The following POF1B variants were observed in gnomAD, a reference collection of about 807,000 sequenced individuals.
POF1B encodes protein POF1B.
In POF1B, 53 loss-of-function variants were observed where a neutral mutation model predicts 55.3. The observed-to-expected ratio is 0.96, with a 90% CI of 0.77 to 1.20. POF1B has a LOEUF of 1.20. Ranked by LOEUF, POF1B falls within the 50% of genes most tolerant of loss-of-function variation. POF1B has a pLI of 0.00. For synonymous variants in POF1B, 188 were observed against 148.3 expected, an observed-to-expected ratio of 1.27 and a Z score of -1.95; for missense variants, 478 against 420.5, an observed-to-expected ratio of 1.14 and a Z score of -1.20.
At chrX:85,296,426 G>C (rs893903553) in intron 15 of POF1B, among the ~76,000 whole-genome samples, 1 of 111,968 alleles carries the variant, frequency 8.9e-6, no homozygotes, top group African/African-American at 3.2e-5. Flanking sequence ...CTCCTGTATA[G>C]CTGGTTTAGT....
At chrX:85,367,190 A>G (rs1195529126) in intron 3 of POF1B, among the ~76,000 whole-genome samples, 1 of 111,884 alleles carries the variant, frequency 8.9e-6, no homozygotes, top group Non-Finnish European at 1.9e-5. Flanking sequence ...GTTTATTATT[A>G]TAGCTACCTT....
intron 8 of POF1B, among the ~76,000 whole-genome samples, chrX:85,314,952 C>A (rs1369131837): frequency 9.0e-6 from 1 of 111,420 alleles, no homozygotes; most frequent in East Asian, 2.8e-4. Context: ...ACAGGTTTTA[C>A]TGAGAATTTA....
intron 7 of POF1B, among the ~76,000 whole-genome samples, chrX:85,327,345 T>C (rs1932908115): frequency 8.9e-6 from 1 of 111,815 alleles, no homozygotes; most frequent in African/African-American, 3.3e-5. Flanking sequence ...TAAAGTAAAA[T>C]AGTTGTAGTG....
chrX:85,354,982 A>C (rs754585237), intron 4 of POF1B, among the ~76,000 whole-genome samples: 2 of 111,770 alleles, frequency 1.8e-5, no homozygotes, highest in African/African-American at 6.5e-5. Flanking sequence ...GGAACCAAAA[A>C]AGAGCCCACA....
chrX:85,326,956 C>T (rs1192733474), intron 7 of POF1B, among the ~76,000 whole-genome samples: 1 of 110,612 alleles, frequency 9.0e-6, no homozygotes, highest in East Asian at 2.9e-4. Context: ...GTGTTCTGGC[C>T]TCTTCTCATG....
In POF1B at chrX:85,307,237, A is replaced by C; in HGVS notation, c.1090T>G (p.Ser364Ala). The C allele has an allele frequency of 8.3e-7, 1 of 1,203,824 alleles. No homozygotes were observed. The highest frequency in any genetic ancestry group is 1.8e-5 in the South Asian group (1 of 55,771). ...TCTTTTAATTGAGTGTCTTTGAATGATAAATCTTTCTCAAGTCTCATCTTG... is the reference window on the plus strand; with the variant it reads ...TCTTTTAATTGAGTGTCTTTGAATGCTAAATCTTTCTCAAGTCTCATCTTG... ...NDKMRLEKDL[S>A]FKDTQLKEYE... Residue 364 changes from serine to alanine, a missense_variant, in exon 11 of 17, where the codon TCA becomes GCA. Coordinates refer to ENST00000262753, the MANE Select transcript of POF1B (RefSeq NM_024921.4).
At chrX:85,335,409 A>G (rs1448793965) in intron 6 of POF1B, among the ~76,000 whole-genome samples, 1 of 111,440 alleles carries the variant, frequency 9.0e-6, no homozygotes, top group Non-Finnish European at 1.9e-5. Context: ...TTTTGCTTTG[A>G]TTTGGAACAT....
chrX:85,349,329 T>A (rs1168820070), intron 5 of POF1B, among the ~76,000 whole-genome samples: 1 of 111,201 alleles, frequency 9.0e-6, no homozygotes, highest in Admixed American at 9.6e-5. Context: ...AAGCTAGAAT[T>A]TTTTAGTCCG....
chrX:85,336,167 T>C (rs1294055448), intron 6 of POF1B, among the ~76,000 whole-genome samples: 1 of 111,209 alleles, frequency 9.0e-6, no homozygotes, highest in Non-Finnish European at 1.9e-5. Context: ...TCCACCCATG[T>C]TATTGTAACT....
intron 3 of POF1B, among the ~76,000 whole-genome samples, chrX:85,362,578 C>T (rs1288720692): frequency 8.9e-6 from 1 of 111,784 alleles, no homozygotes; most frequent in Non-Finnish European, 1.9e-5. Flanking sequence ...AGTGTTGCAT[C>T]CCAGAAGTGA....
intron 9 of POF1B, among the ~76,000 whole-genome samples, chrX:85,313,485 T>C (rs1932754142): frequency 8.9e-6 from 1 of 112,259 alleles, no homozygotes. Flanking sequence ...TGTTTATTGA[T>C]TTGCATATGT....
chrX:85,332,940 C>A (rs191756018), intron 6 of POF1B, among the ~76,000 whole-genome samples: 3 of 110,981 alleles, frequency 2.7e-5, no homozygotes, highest in African/African-American at 9.8e-5. Context: ...AATATCATCA[C>A]ATAGTATGTT....
At chrX:85,325,299 T>G (rs1034283312) in intron 7 of POF1B, among the ~76,000 whole-genome samples, 1 of 111,696 alleles carries the variant, frequency 9.0e-6, no homozygotes, top group Non-Finnish European at 1.9e-5. Flanking sequence ...TTCATTTTTC[T>G]GTCTCTCAGG....
intron 6 of POF1B, among the ~76,000 whole-genome samples, chrX:85,332,224 G>A (rs1334886234): frequency 9.0e-6 from 1 of 111,483 alleles, no homozygotes; most frequent in Non-Finnish European, 1.9e-5. Flanking sequence ...GTGTTTTAAC[G>A]TATTTCTTGT....
chrX:85,305,945 T>C (rs760307577), intron 12 of POF1B, 35 bp from the exon 13 acceptor site: 4 of 1,181,506 alleles, frequency 3.4e-6, no homozygotes, highest in Admixed American at 4.7e-5. Context: ...GTAATTGGAT[T>C]GTTTTGAAGA....
At chrX:85,335,972 A>C (rs1391788797) in intron 6 of POF1B, among the ~76,000 whole-genome samples, 1 of 109,478 alleles carries the variant, frequency 9.1e-6, no homozygotes, top group African/African-American at 3.3e-5. Context: ...TTTTGTGCCC[A>C]TTAACAATCC....
intron 7 of POF1B, among the ~76,000 whole-genome samples, chrX:85,325,749 C>T (rs778678216): frequency 3.6e-5 from 4 of 112,120 alleles, no homozygotes; most frequent in Non-Finnish European, 5.6e-5. Flanking sequence ...GGAAGGCACT[C>T]TGGCTTTTTG....
intron 5 of POF1B, among the ~76,000 whole-genome samples, chrX:85,349,798 T>C (rs892354685): frequency 9.0e-6 from 1 of 110,797 alleles, no homozygotes; most frequent in African/African-American, 3.3e-5. Context: ...TGTGAGACAA[T>C]AAATTTCTGT....
At chrX:85,358,962 T>A (rs1161110286) in intron 4 of POF1B, among the ~76,000 whole-genome samples, 2 of 111,468 alleles carry the variant, frequency 1.8e-5, no homozygotes, top group Non-Finnish European at 3.8e-5. Flanking sequence ...CATTCTTCAA[T>A]AATGGAAAGA....
Sources: allele counts gnomAD v4.1 joint callset (sites outside exome capture counted in the v4.1 genomes callset), GRCh38; gene constraint gnomAD v4.1.1; transcripts MANE v1.5; gene names NCBI Gene and HGNC (gene_info 2026-07-23, HGNC 2026-07-21).